The following ATXN10 variants were observed in gnomAD, a reference collection of about 807,000 sequenced individuals.
ATXN10 encodes the protein ataxin 10, also known as ataxin-10.
In ATXN10, 28 loss-of-function variants were observed where a neutral mutation model predicts 52.9. The observed-to-expected ratio is 0.53, with a 90% CI of 0.39 to 0.73. The LOEUF (loss-of-function observed/expected upper bound fraction) is 0.73, where lower values mean the gene tolerates loss of function less well. Ranked by LOEUF, ATXN10 falls within the 30% of genes least tolerant of loss-of-function variation. ATXN10 has a pLI of 0.00. For synonymous variants in ATXN10, 226 were observed against 221.5 expected (o/e 1.02, Z -0.18); for missense variants, 565 against 577.0 (o/e 0.98, Z 0.21).
In ATXN10 at chr22:45,842,670, G is replaced by A. The variant is rs1439203455; in HGVS notation, c.1238-321G>A. On this transcript the variant is annotated intron_variant, in intron 10 of 11. Transcript: ENST00000252934. This position sits in a 1 kb window ranked among gnomAD's most constrained non-coding sequence, Gnocchi z 4.8. Reference sequence around the variant, plus strand: ...CGTTTGCCTGTGTGTGTGTTCTTGGGTTCATAAACTTCAGTTTGAGCTACT... The same window carrying A: ...CGTTTGCCTGTGTGTGTGTTCTTGGATTCATAAACTTCAGTTTGAGCTACT... Among the ~76,000 whole-genome samples the A allele has an allele frequency of 6.6e-6, 1 of 152,082 alleles. No homozygotes were observed. The highest frequency in any genetic ancestry group is 2.4e-5 in the African/African-American group (1 of 41,394).
At chr22:45,702,971 G>T (rs927905102) in intron 5 of ATXN10, 124 bp downstream of exon 5, 1 of 1,212,082 alleles carries the variant, frequency 8.3e-7, no homozygotes, top group African/African-American at 1.5e-5. Context: ...CTTAACATGT[G>T]TTGACAGAAT....
chr22:45,674,867 C>T (rs1301485540), intron 1 of ATXN10: 1 of 152,176 alleles, frequency 6.6e-6, no homozygotes, highest in East Asian at 1.9e-4. Context: ...CTGAGCTCTT[C>T]CATGCTACAA....
At position 45,769,219 on chromosome 22, in the gene ATXN10, G is replaced by C. The variant is rs960071786; in HGVS notation, c.1173+28681G>C. 6.6e-6 allele frequency among the ~76,000 whole-genome samples: 1 copy of C among 152,090 alleles called. No homozygotes were observed. The highest frequency in any genetic ancestry group is 1.5e-5 in the Non-Finnish European group (1 of 68,018). ...GGTTGAGAGCTCTTGGTGGGTAGGG[G>C]ACTCATCATGGAATCTGAAAGGCAG... is the stretch of plus-strand genomic sequence containing the variant. On this transcript the variant is annotated intron_variant, in intron 9 of 11. Transcript: ENST00000252934. The surrounding 1 kb of genome is among the most constrained non-coding windows in gnomAD (Gnocchi z 4.2).
intron 9 of ATXN10, among the ~76,000 whole-genome samples, chr22:45,801,240 G>A (rs943509591): frequency 6.6e-6 from 1 of 152,200 alleles, no homozygotes; most frequent in African/African-American, 2.4e-5. Flanking sequence ...AGATTCATTT[G>A]TTCTGGGGTT....
chr22:45,730,310 C>T (rs1380468640), intron 7 of ATXN10, among the ~76,000 whole-genome samples: 2 of 149,948 alleles, frequency 1.3e-5, no homozygotes, highest in Non-Finnish European at 1.5e-5. Flanking sequence ...CCCCACTGCC[C>T]TCCAGCTCGG....
rs1278072217 is a variant in ATXN10, at chr22:45,750,406, A to T, written c.1173+9868A>T. Among the ~76,000 whole-genome samples, 5 of 152,154 alleles carry T rather than the reference A, an allele frequency of 3.3e-5. No individual in the cohort carries two copies. Among genetic ancestry groups the T allele is most frequent in the African/African-American group, 1.2e-4 (5 of 41,440 alleles). On this transcript the variant is annotated intron_variant, in intron 9 of 11. Transcript: ENST00000252934. The surrounding 1 kb of genome is among the most constrained non-coding windows in gnomAD (Gnocchi z 4.2). ...TCACCACGCCCGGCCGACAACAGTG[A>T]TTTTAAATGGATTTGTGTTTAACAG...
chr22:45,825,739 G>A lies in ATXN10; in HGVS notation c.1238-17252G>A, dbSNP rs9626452. The stretch of plus-strand genomic sequence containing the variant: ...TATATTTTAAAACAAGGGTCTTACT[G>A]AAGATGCTCAAGGAACTAAAGGAAC... On this transcript the variant is annotated intron_variant, in intron 10 of 11. Coordinates refer to ENST00000252934, the MANE Select transcript of ATXN10 (RefSeq NM_013236.4). The surrounding 1 kb of genome is among the most constrained non-coding windows in gnomAD (Gnocchi z 4.5). 0.094 allele frequency among the ~76,000 whole-genome samples: 14,247 copies of A among 152,186 alleles called. 750 individuals are homozygous for A. The highest frequency in any genetic ancestry group is 0.16 in the Middle Eastern group (46 of 294).
Position 45,805,865 on chromosome 22 carries a change from A to G in ATXN10, c.1174-1094A>G, listed in dbSNP as rs1285115344. ...ATTTTATAGTTTGTGATGATGTCTC[A>G]GCAAAAAATGAACTGGGCCAGGCAC... is the stretch of plus-strand genomic sequence containing the variant. On this transcript the variant is annotated intron_variant, in intron 9 of 11. Transcript: ENST00000252934. This position sits in a 1 kb window ranked among gnomAD's most constrained non-coding sequence, Gnocchi z 4.4. Among the ~76,000 whole-genome samples the G allele has an allele frequency of 6.6e-6, 1 of 152,220 alleles. No homozygotes were observed. The highest frequency in any genetic ancestry group is 6.5e-5 in the Admixed American group (1 of 15,280).
At chr22:45,730,967 G>T (rs73441183) in intron 7 of ATXN10, among the ~76,000 whole-genome samples, 2,719 of 152,158 alleles carry the variant, frequency 0.018, 93 homozygotes, top group African/African-American at 0.063. Context: ...ATACTGTCCT[G>T]GTTAATTATT....
Position 45,806,997 on chromosome 22 carries a change from C to G in ATXN10, c.1212C>G (p.Asn404Lys). Residue 404 changes from asparagine (N) to lysine (K), a missense_variant, in exon 10 of 12, where the codon AAC (asparagine) becomes AAG (lysine). Asn to Lys is a moderately conservative substitution (Grantham distance 94). Coordinates refer to ENST00000252934, the MANE Select transcript of ATXN10 (RefSeq NM_013236.4). ...ATGGTATCCCGTTGATCCTGGACAA[C>G]TGCAACATCAGTGACAGTAACCCCT... ...ELDGIPLILD[N>K]CNISDSNPFL... 1 of 1,614,060 alleles carries G rather than the reference C, an allele frequency of 6.2e-7. No individual in the cohort carries two copies. The highest frequency in any genetic ancestry group is 8.5e-7 in the Non-Finnish European group (1 of 1,179,936).
Position 45,837,860 on chromosome 22 carries a change from T to TAG in ATXN10, c.1238-5130_1238-5129insGA, listed in dbSNP as rs1398745906. On this transcript the variant is annotated intron_variant, in intron 10 of 11. Transcript: ENST00000252934. This position sits in a 1 kb window ranked among gnomAD's most constrained non-coding sequence, Gnocchi z 5.8. The stretch of plus-strand genomic sequence containing the variant: ...TTTTTTTCCAATCATCTAAATATAT[T>TAG]AAAACTGTTTTTAGTTTGCTGTCAT... Among the ~76,000 whole-genome samples, 2 of 152,204 alleles carry TAG rather than the reference T, an allele frequency of 1.3e-5. No homozygotes were observed. The highest frequency in any genetic ancestry group is 2.9e-5 in the Non-Finnish European group (2 of 68,028).
At position 45,689,786 on chromosome 22, in the gene ATXN10, C is replaced by T; in HGVS notation, c.191C>T (p.Ala64Val). 1 of 1,614,136 alleles carries T rather than the reference C, an allele frequency of 6.2e-7. No individual in the cohort carries two copies. Among genetic ancestry groups the T allele is most frequent in the East Asian group, 2.2e-5 (1 of 44,888 alleles). ...LKKSSHAVEL[A>V]CRDPSQVENL... is the part of the protein sequence containing the mutation. ...AAATCTTCTCATGCTGTTGAGCTTG[C>T]CTGCAGAGATCCATCCCAAGTGGAA... Residue 64 changes from alanine (A) to valine (V), a missense_variant, in exon 2 of 12, where the codon GCC (alanine) becomes GTC (valine). By Grantham distance (64) the Ala-to-Val change is moderately conservative. Coordinates refer to ENST00000252934, the MANE Select transcript of ATXN10 (RefSeq NM_013236.4).
chr22:45,692,375 A>T (rs1320261145), intron 2 of ATXN10, among the ~76,000 whole-genome samples: 1 of 152,184 alleles, frequency 6.6e-6, no homozygotes, highest in Non-Finnish European at 1.5e-5. Flanking sequence ...GAAAATGAAC[A>T]TTTAAGGGTG....
intron 8 of ATXN10, among the ~76,000 whole-genome samples, chr22:45,739,438 T>TTTTAAAGG (rs1925424212): frequency 6.6e-6 from 1 of 152,230 alleles, no homozygotes; most frequent in Non-Finnish European, 1.5e-5. Context: ...AGATGATACT[T>TTTTAAAGG]ACTCTGGAGA....
chr22:45,714,411 G>A (rs911954301), intron 5 of ATXN10, among the ~76,000 whole-genome samples: 7 of 151,770 alleles, frequency 4.6e-5, no homozygotes, highest in African/African-American at 1.5e-4. Context: ...TTGAGACAGC[G>A]TCTCTGTCAC....
chr22:45,729,364 T>A (rs1309837530), intron 6 of ATXN10, 61 bp from the exon 7 acceptor site: 1 of 1,562,742 alleles, frequency 6.4e-7, no homozygotes, highest in Admixed American at 1.7e-5. Context: ...TTCCTAGGTA[T>A]TTTTAGCATT....
intron 10 of ATXN10, among the ~76,000 whole-genome samples, chr22:45,822,812 G>A (rs753720954): frequency 2.0e-4 from 30 of 152,090 alleles, no homozygotes; most frequent in Non-Finnish European, 7.4e-5. Flanking sequence ...GTGAGCCACG[G>A]TGCCCAGCTG....
intron 7 of ATXN10, among the ~76,000 whole-genome samples, chr22:45,731,111 CCTTTCTTCTGTCATAAAGTTAGAATTGTT>C (rs1925073656): frequency 6.6e-6 from 1 of 152,160 alleles, no homozygotes; most frequent in African/African-American, 2.4e-5. Flanking sequence ...ATCTATTCTC[CCTTTCTTCTGTCATAAAGTTAGAATTGTT>C]CTTTCTCTGG....
intron 1 of ATXN10, chr22:45,672,920 G>T (rs148900272): frequency 1.3e-5 from 2 of 152,362 alleles, no homozygotes; most frequent in East Asian, 3.9e-4. Flanking sequence ...TTGCTGGATT[G>T]TACAGAGGAA....
Sources: allele counts gnomAD v4.1 joint callset (sites outside exome capture counted in the v4.1 genomes callset), GRCh38; gene constraint gnomAD v4.1.1; non-coding constraint Gnocchi (gnomAD v3.1); transcripts MANE v1.5; gene names NCBI Gene and HGNC (gene_info 2026-07-23, HGNC 2026-07-21).